The following XKR9 variants were observed in gnomAD, a reference collection of about 807,000 sequenced individuals.
XKR9 encodes XK-related protein 9.
XKR9 carries 32 observed loss-of-function variants against 32.0 expected under a neutral mutation model. The observed-to-expected ratio is 1.00, with a 90% CI of 0.76 to 1.34. The LOEUF is 1.34. XKR9 is among the 40% of genes most tolerant of loss of function. The pLI is 0.00. For missense variants in XKR9, 546 were observed against 429.7 expected (o/e 1.27, Z -2.39); for synonymous variants, 168 against 143.4 (o/e 1.17, Z -1.22).
chr8:70,938,573 A>G, the XKR9 span, among the ~76,000 whole-genome samples: 3 of 152,192 alleles, frequency 2.0e-5, no homozygotes, highest in South Asian at 6.2e-4. Flanking sequence ...AATCAAATTA[A>G]GCACAGGGAA....
chr8:70,752,404 A>C (rs1586883349), intron 2 of XKR9, among the ~76,000 whole-genome samples: 1 of 152,178 alleles, frequency 6.6e-6, no homozygotes, highest in African/African-American at 2.4e-5. Context: ...GCTTCTGGTG[A>C]GGGCCTCATG....
chr8:70,673,308 C>A (rs1348073402), intron 1 of XKR9, among the ~76,000 whole-genome samples: 1 of 152,142 alleles, frequency 6.6e-6, no homozygotes, highest in Non-Finnish European at 1.5e-5. Flanking sequence ...TTCTGGATTC[C>A]ATTTAATCAA....
the XKR9 span, among the ~76,000 whole-genome samples, chr8:70,815,232 A>T: frequency 6.6e-6 from 1 of 152,094 alleles, no homozygotes; most frequent in Non-Finnish European, 1.5e-5. Flanking sequence ...AACTTGTGTC[A>T]TGGGGGTTTG....
chr8:71,007,092 A>G, the XKR9 span, among the ~76,000 whole-genome samples: 1 of 152,174 alleles, frequency 6.6e-6, no homozygotes, highest in South Asian at 2.1e-4. Context: ...ATCCTGTTGC[A>G]TAGCAATCAA....
At chr8:70,725,183 T>C (rs1806421734) in intron 4 of XKR9, among the ~76,000 whole-genome samples, 1 of 152,128 alleles carries the variant, frequency 6.6e-6, no homozygotes, top group Admixed American at 6.5e-5. Context: ...TCCGGGTCCC[T>C]CCCATGACAT....
the XKR9 span, among the ~76,000 whole-genome samples, chr8:70,808,351 C>A: frequency 3.9e-5 from 6 of 152,174 alleles, no homozygotes; most frequent in Non-Finnish European, 8.8e-5. Context: ...CAGCTCCAGT[C>A]TACAGCTCCC....
chr8:70,720,051 CTT>C (rs1806224403), intron 4 of XKR9, among the ~76,000 whole-genome samples: 2 of 152,034 alleles, frequency 1.3e-5, no homozygotes. Context: ...ATTTTATTCT[CTT>C]TGTAGCAATT....
intron 3 of XKR9, among the ~76,000 whole-genome samples, chr8:70,691,255 G>A (rs983041660): frequency 6.6e-6 from 1 of 152,114 alleles, no homozygotes. Flanking sequence ...TTTTAATGGG[G>A]TTGCTTGTTT....
chr8:70,985,215 G>C, the XKR9 span, among the ~76,000 whole-genome samples: 1 of 152,178 alleles, frequency 6.6e-6, no homozygotes, highest in African/African-American at 2.4e-5. Context: ...TTGTGTCCAT[G>C]TATTCTCATT....
chr8:70,731,609 C>T (rs189791211), intron 4 of XKR9, among the ~76,000 whole-genome samples: 1 of 152,166 alleles, frequency 6.6e-6, no homozygotes, highest in South Asian at 2.1e-4. Context: ...CCAATATCAA[C>T]CTGGCAAAGC....
chr8:70,919,246 A>G, the XKR9 span, among the ~76,000 whole-genome samples: 1 of 152,208 alleles, frequency 6.6e-6, no homozygotes, highest in Non-Finnish European at 1.5e-5. Context: ...AATATATATC[A>G]TAGAATACTT....
At chr8:70,846,694 T>A in the XKR9 span, among the ~76,000 whole-genome samples, 1 of 151,916 alleles carries the variant, frequency 6.6e-6, no homozygotes, top group South Asian at 2.1e-4. Flanking sequence ...AAAAAGATGT[T>A]CCATACAAAC....
At chr8:70,841,987 C>T in the XKR9 span, among the ~76,000 whole-genome samples, 1 of 152,154 alleles carries the variant, frequency 6.6e-6, no homozygotes, top group Admixed American at 6.5e-5. Context: ...ATTGATGTTT[C>T]GTGCTTGAAT....
chr8:70,782,138 A>G (rs982194650), intron 2 of XKR9, among the ~76,000 whole-genome samples: 1 of 132,824 alleles, frequency 7.5e-6, no homozygotes, highest in Non-Finnish European at 1.8e-5. Flanking sequence ...TGATGGAAAC[A>G]TGTAGGAATG....
chr8:70,944,777 A>G, the XKR9 span, among the ~76,000 whole-genome samples: 2 of 152,230 alleles, frequency 1.3e-5, no homozygotes, highest in African/African-American at 2.4e-5. Flanking sequence ...AGAAGATCAT[A>G]CAAGGCCGTC....
chr8:71,045,804 G>A, the XKR9 span, among the ~76,000 whole-genome samples: 72 of 152,298 alleles, frequency 4.7e-4, no homozygotes, highest in Non-Finnish European at 9.3e-4. Context: ...TGTGGTATGT[G>A]CCTTGGGGCC....
chr8:71,023,496 C>T, the XKR9 span, among the ~76,000 whole-genome samples: 1 of 152,086 alleles, frequency 6.6e-6, no homozygotes, highest in African/African-American at 2.4e-5. Flanking sequence ...CTAGTGGTGG[C>T]AGTAGTGGGC....
chr8:71,013,041 G>A, the XKR9 span, among the ~76,000 whole-genome samples: 1 of 152,170 alleles, frequency 6.6e-6, no homozygotes, highest in Non-Finnish European at 1.5e-5. Flanking sequence ...GGATGGAGAT[G>A]GGGTGTGTGA....
chr8:70,925,028 T>A, the XKR9 span, among the ~76,000 whole-genome samples: 12 of 152,242 alleles, frequency 7.9e-5, no homozygotes, highest in Non-Finnish European at 1.8e-4. Flanking sequence ...TCTCTGCTTA[T>A]TGAACTCATG....
Sources: allele counts gnomAD v4.1 joint callset (sites outside exome capture counted in the v4.1 genomes callset), GRCh38; gene constraint gnomAD v4.1.1; transcripts MANE v1.5; gene names NCBI Gene and HGNC (gene_info 2026-07-23, HGNC 2026-07-21).